PLXNA4: variants seen among roughly 807,000 people sequenced by gnomAD.
The protein encoded by PLXNA4 is plexin-A4.
In PLXNA4, 44 loss-of-function variants were observed where a neutral mutation model predicts 191.8. The ratio of observed to expected loss-of-function variants is 0.23; its 90% confidence interval spans 0.18 to 0.29. The LOEUF (loss-of-function observed/expected upper bound fraction) is 0.29. Among genes scored for constraint, PLXNA4 ranks in the 10% least tolerant of loss-of-function variants. The pLI is 1.00. For synonymous variants in PLXNA4, 1,082 were observed against 1,009.5 expected, an observed-to-expected ratio of 1.07 and a Z score of -1.36; for missense variants, 1,800 against 2,488.8, an observed-to-expected ratio of 0.72 and a Z score of 5.89.
At chr7:132,263,360 C>A (rs536473687) in intron 4 of PLXNA4, among the ~76,000 whole-genome samples, 9 of 152,340 alleles carry the variant, frequency 5.9e-5, no homozygotes, top group African/African-American at 2.2e-4. Context: ...TGCAGCACTT[C>A]GACCCTGCAA....
At chr7:132,648,079 TCACA>T (rs1290350492) in intron 1 of PLXNA4, among the ~76,000 whole-genome samples, 2 of 151,134 alleles carry the variant, frequency 1.3e-5, no homozygotes, top group Non-Finnish European at 3.0e-5. Flanking sequence ...ACACACAAAC[TCACA>T]AACTCAGTGT....
At chr7:132,155,612 C>G (rs1314372997) in intron 25 of PLXNA4, among the ~76,000 whole-genome samples, 1 of 152,148 alleles carries the variant, frequency 6.6e-6, no homozygotes, top group African/African-American at 2.4e-5. Flanking sequence ...GTTGTGGGGA[C>G]AGCCTCACGT....
At chr7:132,210,836 G>T in intron 10 of PLXNA4, 107 bp downstream of exon 10, 1 of 1,266,308 alleles carries the variant, frequency 7.9e-7, no homozygotes, top group Non-Finnish European at 1.1e-6. Flanking sequence ...TTTTGTGCGT[G>T]TTGAGGAAAC....
At position 132,226,141 on chromosome 7, in the gene PLXNA4, G is replaced by T; in HGVS notation, c.1982+20C>A. 1 of 1,603,772 alleles carries T rather than the reference G, an allele frequency of 6.2e-7. No homozygotes were observed. Among genetic ancestry groups the T allele is most frequent in the Non-Finnish European group, 8.5e-7 (1 of 1,171,042 alleles). ...ACTTGACCCCAGGAACGGGAAGTGG[G>T]TAAGGCTGGGGCCACTTACGAATTG... On this transcript the variant is annotated intron_variant, in intron 8 of 31. Transcript: ENST00000321063.
At chr7:132,423,081 C>T (rs974080964) in intron 3 of PLXNA4, among the ~76,000 whole-genome samples, 2 of 152,190 alleles carry the variant, frequency 1.3e-5, no homozygotes, top group Non-Finnish European at 2.9e-5. Context: ...ATTCGTTACA[C>T]GACTCCTGAA....
chr7:132,226,202 G>T lies in PLXNA4; in HGVS notation c.1941C>A (p.Ala647=). 1 of 1,614,020 alleles carries T rather than the reference G, an allele frequency of 6.2e-7. No homozygotes were observed. The highest frequency in any genetic ancestry group is 8.5e-7 in the Non-Finnish European group (1 of 1,179,986). The part of the protein sequence containing the change: ...LKSKETGMTF[A]STSFVFYNCS... Reference sequence around the variant, plus strand: ...AATTGTAGAAGACAAAGCTGGTGCTGGCGAAGGTCATGCCGGTCTCCTTTG... The same window carrying T: ...AATTGTAGAAGACAAAGCTGGTGCTTGCGAAGGTCATGCCGGTCTCCTTTG... Residue 647 remains alanine, a synonymous_variant, in exon 8 of 32, where the codon GCC becomes GCA. Transcript: ENST00000321063.
In PLXNA4 at chr7:132,132,432, G is replaced by C. The variant is rs150069125; in HGVS notation, c.5589+617C>G. On this transcript the variant is annotated intron_variant, in intron 31 of 31. Transcript: ENST00000321063. ...GTTCTGTTCTGTTCTGTTCTGTTCT[G>C]TTCTGTTCTGTTCTGTTCTGTTCTG... Among the ~76,000 whole-genome samples, 106 of 80,466 alleles carry C rather than the reference G, an allele frequency of 1.3e-3. 8 individuals carry two copies. In the South Asian group the frequency reaches 0.058, roughly 44 times the overall value. 52.8% of individuals were successfully genotyped at this position (80,466 alleles called of 152,430 possible).
At chr7:132,215,914 C>T (rs950224564) in intron 9 of PLXNA4, among the ~76,000 whole-genome samples, 21 of 152,304 alleles carry the variant, frequency 1.4e-4, no homozygotes, top group African/African-American at 3.1e-4. Context: ...AACTAGTAAA[C>T]GTAAGTAAAT....
At position 132,194,065 on chromosome 7, in the gene PLXNA4, GAAGT is replaced by G. The variant is rs781746201; in HGVS notation, c.2849_2852del (p.Tyr950SerfsTer2). On this transcript the variant is annotated frameshift_variant, in exon 14 of 32. Coordinates refer to ENST00000321063, the MANE Select transcript of PLXNA4 (RefSeq NM_020911.2). LOFTEE classifies it high-confidence loss of function. ...ATCACTGCTGGCCAAGACTCACCATGAAGTAATAGAGCTGTGAGGACCGGGCCAT... is the reference window on the plus strand; with the variant it reads ...ATCACTGCTGGCCAAGACTCACCATGAATAGAGCTGTGAGGACCGGGCCAT... The G allele has an allele frequency of 6.2e-7, 1 of 1,613,360 alleles. No homozygotes were observed. The highest frequency in any genetic ancestry group is 8.5e-7 in the Non-Finnish European group (1 of 1,179,446).
At chr7:132,524,222 C>A (rs768389152) in intron 1 of PLXNA4, among the ~76,000 whole-genome samples, 1 of 152,120 alleles carries the variant, frequency 6.6e-6, no homozygotes, top group Non-Finnish European at 1.5e-5. Context: ...GCTGGAAGAA[C>A]GGGATGTCAA....
chr7:132,562,289 CCTTCTCCTCCTT>C (rs1801209217), intron 1 of PLXNA4, among the ~76,000 whole-genome samples: 1 of 125,462 alleles, frequency 8.0e-6, no homozygotes, highest in Non-Finnish European at 1.6e-5. Context: ...TCCTCCTCCT[CCTTCTCCTCCTT>C]CTCCTCTTCC....
intron 3 of PLXNA4, among the ~76,000 whole-genome samples, chr7:132,390,755 G>A (rs1563073054): frequency 6.6e-6 from 1 of 151,958 alleles, no homozygotes; most frequent in Non-Finnish European, 1.5e-5. Flanking sequence ...GACACACCCA[G>A]CCCCACCCTG....
At chr7:132,145,043 A>G (rs1222202962) in intron 29 of PLXNA4, 76 bp downstream of exon 29, 5 of 1,604,824 alleles carry the variant, frequency 3.1e-6, no homozygotes, top group Non-Finnish European at 4.3e-6. Flanking sequence ...CTGGAGGCCC[A>G]GAGTCCCACC....
chr7:132,353,281 T>C (rs746369708), intron 3 of PLXNA4, among the ~76,000 whole-genome samples: 1 of 152,212 alleles, frequency 6.6e-6, no homozygotes, highest in Non-Finnish European at 1.5e-5. Flanking sequence ...TTGTGATTAC[T>C]TTCTAAGTTG....
intron 3 of PLXNA4, among the ~76,000 whole-genome samples, chr7:132,437,013 G>A (rs1302260631): frequency 1.3e-5 from 2 of 152,156 alleles, no homozygotes; most frequent in Non-Finnish European, 2.9e-5. Flanking sequence ...ATGCTCCATC[G>A]CCATATACAC....
In PLXNA4 at chr7:132,284,142, C is replaced by G. The variant is rs527454137; in HGVS notation, c.1503+13949G>C. ...GAGCTATGATGGCACCAGTGCACTC[C>G]AGCCTGGGTGGCAGAGTGAGACCCT... is the stretch of plus-strand genomic sequence containing the variant. On this transcript the variant is annotated intron_variant, in intron 4 of 31. Coordinates refer to ENST00000321063, the MANE Select transcript of PLXNA4 (RefSeq NM_020911.2). 4.6e-5 allele frequency among the ~76,000 whole-genome samples: 7 copies of G among 152,330 alleles called. No individual in the cohort carries two copies. The South Asian group carries it at 1.5e-3, about 32-fold the overall frequency.
intron 3 of PLXNA4, among the ~76,000 whole-genome samples, chr7:132,471,824 A>G (rs1796946176): frequency 6.6e-6 from 1 of 152,162 alleles, no homozygotes; most frequent in South Asian, 2.1e-4. Context: ...CATACCAAAC[A>G]ACAGTACACG....
chr7:132,314,644 C>A (rs984967644), intron 3 of PLXNA4, among the ~76,000 whole-genome samples: 5 of 152,130 alleles, frequency 3.3e-5, no homozygotes, highest in Non-Finnish European at 7.4e-5. Context: ...CTCTGGGGTT[C>A]CAAAAGAGGT....
At chr7:132,615,620 C>T (rs1391725777) in intron 2 of PLXNA4, among the ~76,000 whole-genome samples, 1 of 152,180 alleles carries the variant, frequency 6.6e-6, no homozygotes, top group African/African-American at 2.4e-5. Context: ...TTATTCCCTG[C>T]TTCTGCTCAC....
Sources: allele counts gnomAD v4.1 joint callset (sites outside exome capture counted in the v4.1 genomes callset), GRCh38; gene constraint gnomAD v4.1.1; transcripts MANE v1.5; gene names NCBI Gene and HGNC (gene_info 2026-07-23, HGNC 2026-07-21).